The following GPSM2 variants were observed in gnomAD, a reference collection of about 807,000 sequenced individuals.
GPSM2 encodes G protein signaling modulator 2, also known as G protein-signaling modulator 2.
A neutral mutation model predicts 78.4 loss-of-function variants in GPSM2; 58 were observed. The ratio of observed to expected loss-of-function variants is 0.74; its 90% CI spans 0.60 to 0.92. The LOEUF (loss-of-function observed/expected upper bound fraction) is 0.92, where lower values mean the gene tolerates loss of function less well. GPSM2 is among the 40% of genes least tolerant of loss of function. The pLI, the probability that GPSM2 is intolerant of heterozygous loss-of-function variation, is 0.00. For synonymous variants in GPSM2, 224 were observed against 280.2 expected (o/e 0.80, Z 2.00); for missense variants, 700 against 815.5 (o/e 0.86, Z 1.73).
rs970713456 is a variant in GPSM2 at position 108,932,068 on chromosome 1, T to A, written c.*2128T>A. 2 of 151,796 alleles carry A rather than the reference T, an allele frequency of 1.3e-5. No individual in the cohort carries two copies. Among genetic ancestry groups the A allele is most frequent in the Non-Finnish European group, 2.9e-5 (2 of 68,070 alleles). The allele number at this position is 151,796 out of a possible 1,614,324, so 9.4% of individuals were successfully genotyped here. ...AGGGCGGGTCACTTGAGGTCAGGAG[T>A]TCGAGACCAGCCTGACCAACATGGT... On this transcript the variant is annotated 3_prime_UTR_variant, in exon 15 of 15. Transcript: ENST00000264126.
chr1:108,895,602 G>A (rs984331932), intron 2 of GPSM2, among the ~76,000 whole-genome samples: 2 of 152,026 alleles, frequency 1.3e-5, no homozygotes, highest in African/African-American at 4.8e-5. Context: ...ACATTCGAGG[G>A]ATCCAGATTG....
intron 2 of GPSM2, among the ~76,000 whole-genome samples, chr1:108,890,573 G>A (rs1427739579): frequency 1.3e-5 from 2 of 152,190 alleles, no homozygotes; most frequent in Non-Finnish European, 1.5e-5. Flanking sequence ...CCAGCATTCT[G>A]TATATTGATT....
intron 10 of GPSM2, among the ~76,000 whole-genome samples, chr1:108,906,658 A>G (rs908579493): frequency 1.3e-5 from 2 of 150,186 alleles, no homozygotes; most frequent in Non-Finnish European, 2.9e-5. Context: ...CAGGTGGATC[A>G]CCTGAGGTCA....
At chr1:108,879,035 CTG>C (rs955365854) in intron 1 of GPSM2, among the ~76,000 whole-genome samples, 3 of 152,188 alleles carry the variant, frequency 2.0e-5, no homozygotes, top group African/African-American at 4.8e-5. Context: ...CCTTTAGGTG[CTG>C]TGTTTTGTTG....
intron 14 of GPSM2, chr1:108,926,854 TACTAGA>T (rs1651151094): frequency 6.6e-6 from 1 of 152,138 alleles, no homozygotes; most frequent in Non-Finnish European, 1.5e-5. Context: ...TTCAATGTAG[TACTAGA>T]AATTCTAGCT....
Position 108,885,422 on chromosome 1 carries a change from A to G in GPSM2, c.-101A>G. ...GATGTATTAACACCAACTCATTAATATACTAACCGGACAATGTTCTACAAA... is the reference window on the plus strand; with the variant it reads ...GATGTATTAACACCAACTCATTAATGTACTAACCGGACAATGTTCTACAAA... On this transcript the variant is annotated 5_prime_UTR_variant, in exon 2 of 15. It adds an upstream start codon to the 5' untranslated region. Coordinates refer to ENST00000264126, the MANE Select transcript of GPSM2 (RefSeq NM_013296.5). 1 of 717,140 alleles carries G rather than the reference A, an allele frequency of 1.4e-6. No individual in the cohort carries two copies. Among genetic ancestry groups the G allele is most frequent in the African/African-American group, 1.8e-5 (1 of 56,682 alleles). The allele number at this position is 717,140 out of a possible 1,614,324, so 44.4% of individuals were successfully genotyped here.
intron 5 of GPSM2, 93 bp downstream of exon 5, chr1:108,898,194 G>A: frequency 7.8e-7 from 1 of 1,286,452 alleles, no homozygotes; most frequent in African/African-American, 1.5e-5. Flanking sequence ...TTTAAGTTTG[G>A]CAAAGATTTT....
chr1:108,916,729 A>G (rs1322779188), intron 11 of GPSM2, among the ~76,000 whole-genome samples: 1 of 152,220 alleles, frequency 6.6e-6, no homozygotes, highest in African/African-American at 2.4e-5. Context: ...ATAAAATTCT[A>G]TCCTTAATGT....
chr1:108,891,033 C>T (rs918456799), intron 2 of GPSM2, among the ~76,000 whole-genome samples: 1 of 152,068 alleles, frequency 6.6e-6, no homozygotes, highest in African/African-American at 2.4e-5. Context: ...GAATGTACTT[C>T]AGACCAATCT....
chr1:108,903,289 TG>T (rs563380350), intron 9 of GPSM2, 55 bp downstream of exon 9: 2 of 943,044 alleles, frequency 2.1e-6, no homozygotes. Flanking sequence ...AATTAGAGGT[TG>T]GGGGAGGGAA....
At chr1:108,894,588 C>T (rs991589807) in intron 2 of GPSM2, among the ~76,000 whole-genome samples, 4 of 152,084 alleles carry the variant, frequency 2.6e-5, no homozygotes, top group African/African-American at 9.7e-5. Flanking sequence ...ATCCCAGCTG[C>T]TCAGGAGACT....
chr1:108,899,416 C>A (rs1648625674), intron 7 of GPSM2, among the ~76,000 whole-genome samples: 1 of 152,102 alleles, frequency 6.6e-6, no homozygotes, highest in South Asian at 2.1e-4. Context: ...AGCCTTGTAA[C>A]AAAAATATTT....
In GPSM2 at chr1:108,901,795, C is replaced by T. The variant is rs754391613; in HGVS notation, c.803C>T (p.Thr268Ile). The change falls in exon 8 of 15, where the codon ACA becomes ATA. Residue 268 changes from threonine to isoleucine, a missense_variant. Transcript: ENST00000264126. ...FETASEYYKK[T>I]LLLARQLKDR... ...GAATTAATTTCTTCTTGTAGGAAGA[C>T]ACTACTGTTGGCCCGACAGCTTAAA... 1 of 1,608,978 alleles carries T rather than the reference C, an allele frequency of 6.2e-7. No homozygotes were observed. The highest frequency in any genetic ancestry group is 1.1e-5 in the South Asian group (1 of 90,952).
intron 7 of GPSM2, among the ~76,000 whole-genome samples, chr1:108,901,296 A>G (rs1283399655): frequency 6.6e-6 from 1 of 152,210 alleles, no homozygotes; most frequent in Non-Finnish European, 1.5e-5. Flanking sequence ...AGTATTTTTC[A>G]TGAGTTGGTG....
rs753869503 is a variant in GPSM2, at chr1:108,922,489, G to A, written c.1513G>A (p.Asp505Asn). Residue 505 changes from aspartate (D) to asparagine (N), a missense_variant, in exon 13 of 15, where the codon GAT becomes AAT. Transcript: ENST00000264126. ...LLSRFQSNRMDDQRCCLQEKN... is the reference protein window; with the variant it reads ...LLSRFQSNRMNDQRCCLQEKN... Reference sequence around the variant, plus strand: ...AAGCCGATTTCAAAGCAATAGGATGGATGATCAGAGATGTTGCTTACAAGA... The same window carrying A: ...AAGCCGATTTCAAAGCAATAGGATGAATGATCAGAGATGTTGCTTACAAGA... 6 of 1,611,550 alleles carry A rather than the reference G, an allele frequency of 3.7e-6. No homozygotes were observed. The highest frequency in any genetic ancestry group is 5.1e-6 in the Non-Finnish European group (6 of 1,177,772).
intron 10 of GPSM2, among the ~76,000 whole-genome samples, chr1:108,904,827 A>C (rs1649101014): frequency 6.6e-6 from 1 of 151,984 alleles, no homozygotes; most frequent in Admixed American, 6.6e-5. Flanking sequence ...ACATTTCTAT[A>C]GCGAGGAAAT....
chr1:108,906,675 C>T (rs199807252), intron 10 of GPSM2, among the ~76,000 whole-genome samples: 41 of 151,278 alleles, frequency 2.7e-4, no homozygotes, highest in Non-Finnish European at 4.9e-4. Context: ...GTCAGGAGTT[C>T]GAGACCAGCC....
At chr1:108,903,679 T>C (rs186917059) in intron 9 of GPSM2, among the ~76,000 whole-genome samples, 3 of 152,342 alleles carry the variant, frequency 2.0e-5, no homozygotes, top group African/African-American at 7.2e-5. Context: ...CAAAGTGTTA[T>C]AACGATTAGA....
chr1:108,915,649 TCTC>T (rs1174959323), intron 11 of GPSM2, among the ~76,000 whole-genome samples: 1 of 151,724 alleles, frequency 6.6e-6, no homozygotes, highest in Non-Finnish European at 1.5e-5. Flanking sequence ...ATGGTCTCGA[TCTC>T]CTGACCTCGT....
Sources: gnomAD v4.1 joint callset for allele counts (sites outside exome capture counted in the v4.1 genomes callset) on GRCh38, gnomAD v4.1.1 for gene constraint, MANE v1.5 for transcripts, NCBI Gene and HGNC (gene_info 2026-07-23, HGNC 2026-07-21) for gene names.